PCLO: variants seen among roughly 807,000 people sequenced by gnomAD.
PCLO encodes the protein protein piccolo.
Under a neutral mutation model 427.5 loss-of-function variants are expected in PCLO, and 82 were observed. The ratio of observed to expected loss-of-function variants is 0.19; its 90% CI spans 0.16 to 0.23. The LOEUF is 0.23. PCLO is among the 10% of genes least tolerant of loss of function. The pLI is 1.00. For synonymous variants in PCLO, 2,357 were observed against 2,155.4 expected (o/e 1.09, Z -2.59); for missense variants, 6,239 against 6,115.9 (o/e 1.02, Z -0.67).
chr7:82,875,170 A>C (rs1463071491), intron 10 of PCLO, among the ~76,000 whole-genome samples: 2 of 152,144 alleles, frequency 1.3e-5, no homozygotes, highest in East Asian at 3.8e-4. Flanking sequence ...TAATCCTTCA[A>C]GTACTTGATT....
chr7:82,801,754 C>T (rs115069851), intron 21 of PCLO, among the ~76,000 whole-genome samples, 163 bp from the exon 22 acceptor site: 2,841 of 152,226 alleles, frequency 0.019, 95 homozygotes, highest in African/African-American at 0.064. Context: ...TTGAATGGCA[C>T]ATACATACAC....
chr7:83,033,998 C>A (rs1788732822), intron 3 of PCLO, among the ~76,000 whole-genome samples: 1 of 152,020 alleles, frequency 6.6e-6, no homozygotes, highest in South Asian at 2.1e-4. Context: ...TAATACTTAG[C>A]CTTATTCAAG....
chr7:83,069,813 A>ACACACACACACACACT (rs1227216962), intron 3 of PCLO, among the ~76,000 whole-genome samples: 1 of 100,452 alleles, frequency 1.0e-5, no homozygotes, highest in Non-Finnish European at 1.9e-5. Context: ...ACACACACAC[A>ACACACACACACACACT]CACACACACA....
intron 2 of PCLO, among the ~76,000 whole-genome samples, chr7:83,140,998 C>T (rs1791846509): frequency 6.6e-6 from 1 of 152,206 alleles, no homozygotes; most frequent in Admixed American, 6.5e-5. Context: ...GTCCTTATCA[C>T]TTCCTCCCCA....
At chr7:83,038,037 A>C (rs7784123) in intron 3 of PCLO, among the ~76,000 whole-genome samples, 11,852 of 33,308 alleles carry the variant, frequency 0.36, 3,133 homozygotes, top group African/African-American at 0.6. Context: ...ATATTTATAT[A>C]TTTATATATA....
At chr7:82,762,241 T>A (rs373767197) in intron 22 of PCLO, among the ~76,000 whole-genome samples, 12 of 152,064 alleles carry the variant, frequency 7.9e-5, no homozygotes, top group African/African-American at 2.9e-4. Context: ...AAGGAGCAGA[T>A]GCTTAGGGAG....
In PCLO at chr7:83,050,947, C is replaced by T. The variant is rs142208250; in HGVS notation, c.3300+83303G>A. ...AAAAAATTAATGTAATTCTTCACAT[C>T]AACAGGATAAATTAGAAAAATAATA... On this transcript the variant is annotated intron_variant, in intron 3 of 24. Transcript: ENST00000333891. 4.4e-3 allele frequency among the ~76,000 whole-genome samples: 668 copies of T among 151,936 alleles called. 1 individual carries two copies. Among genetic ancestry groups the T allele is most frequent in the African/African-American group, 0.014 (565 of 41,458 alleles).
chr7:83,096,855 A>G (rs1380968933), intron 3 of PCLO, among the ~76,000 whole-genome samples: 1 of 98,106 alleles, frequency 1.0e-5, no homozygotes, highest in Non-Finnish European at 1.8e-5. Context: ...ATAAATATAT[A>G]TAAAAATATA....
In PCLO at chr7:82,952,532, A is replaced by G; in HGVS notation, c.8421T>C (p.Thr2807=). The G allele has an allele frequency of 6.2e-7, 1 of 1,613,922 alleles. No individual in the cohort carries two copies. Among genetic ancestry groups the G allele is most frequent in the South Asian group, 1.1e-5 (1 of 91,088 alleles). Residue 2807 remains threonine (T), a synonymous_variant, in exon 5 of 25, where the codon ACT becomes ACC. Transcript: ENST00000333891. Reference sequence around the variant, plus strand: ...CACCCACTAGGCTTTCTGTGCCTGTAGTGTAACTTGCACTAGCTGTGCATG... The same window carrying G: ...CACCCACTAGGCTTTCTGTGCCTGTGGTGTAACTTGCACTAGCTGTGCATG... ...FVTCTASASY[T]TGTESLVGAE... is the part of the protein sequence containing the mutation.
At chr7:83,133,586 T>C (rs1791629202) in intron 3 of PCLO, among the ~76,000 whole-genome samples, 1 of 152,090 alleles carries the variant, frequency 6.6e-6, no homozygotes, top group African/African-American at 2.4e-5. Flanking sequence ...TAGAAATTCA[T>C]ATATCTTTCT....
chr7:82,790,651 T>G (rs1456919350), intron 22 of PCLO, among the ~76,000 whole-genome samples: 1 of 152,250 alleles, frequency 6.6e-6, no homozygotes, highest in African/African-American at 2.4e-5. Context: ...TTGTCTGTCC[T>G]ACTACACTGG....
rs575571952 is a variant in PCLO at position 82,814,646 on chromosome 7, A to G, written c.14791+7849T>C. 1.7e-3 allele frequency among the ~76,000 whole-genome samples: 264 copies of G among 152,026 alleles called. 1 individual carries two copies. Among genetic ancestry groups the G allele is most frequent in the African/African-American group, 5.9e-3 (244 of 41,544 alleles). The stretch of plus-strand genomic sequence containing the variant: ...CTGATATTTATCATATTCAAAATAA[A>G]TAAAACATTAAAACAAAAAATCAAC... On this transcript the variant is annotated intron_variant, in intron 20 of 24. Coordinates refer to ENST00000333891, the MANE Select transcript of PCLO (RefSeq NM_033026.6).
chr7:82,826,025 T>A (rs1584016820), intron 18 of PCLO, among the ~76,000 whole-genome samples: 1 of 151,086 alleles, frequency 6.6e-6, no homozygotes, highest in Admixed American at 6.6e-5. Flanking sequence ...TATTTTTAAA[T>A]TTTTACAAGT....
intron 16 of PCLO, among the ~76,000 whole-genome samples, chr7:82,830,812 A>G (rs1289094611): frequency 3.3e-5 from 5 of 152,034 alleles, no homozygotes; most frequent in Non-Finnish European, 7.4e-5. Context: ...GTATTAAAAT[A>G]CCTTTGAAGG....
At chr7:82,818,761 A>G (rs1791728921) in intron 20 of PCLO, among the ~76,000 whole-genome samples, 1 of 152,212 alleles carries the variant, frequency 6.6e-6, no homozygotes, top group Non-Finnish European at 1.5e-5. Context: ...CGCATAAAAC[A>G]GGGATAAGAA....
chr7:83,152,154 C>T (rs758489110), intron 2 of PCLO, among the ~76,000 whole-genome samples: 23 of 151,268 alleles, frequency 1.5e-4, no homozygotes, highest in South Asian at 6.3e-4. Context: ...TTAGTAGAGA[C>T]GGGGTTTCAC....
chr7:82,822,851 CTGGGAAACAATT>C (rs1791830086), intron 19 of PCLO, among the ~76,000 whole-genome samples, 162 bp from the exon 20 acceptor site: 1 of 152,010 alleles, frequency 6.6e-6, no homozygotes, highest in African/African-American at 2.4e-5. Context: ...GATTAAACAT[CTGGGAAACAATT>C]TGGGGGAGGA....
At chr7:83,028,053 G>C (rs1262938059) in intron 3 of PCLO, among the ~76,000 whole-genome samples, 2 of 148,882 alleles carry the variant, frequency 1.3e-5, no homozygotes, top group Non-Finnish European at 3.0e-5. Flanking sequence ...GCACAAGACA[G>C]GGATGCCCTC....
At chr7:83,094,258 G>C (rs1410018646) in intron 3 of PCLO, among the ~76,000 whole-genome samples, 2 of 145,684 alleles carry the variant, frequency 1.4e-5, no homozygotes, top group African/African-American at 2.6e-5. Context: ...CACCAGGCTG[G>C]AGTGCAATAG....
Sources: gnomAD v4.1 joint callset for allele counts (sites outside exome capture counted in the v4.1 genomes callset) on GRCh38, gnomAD v4.1.1 for gene constraint, MANE v1.5 for transcripts, NCBI Gene and HGNC (gene_info 2026-07-23, HGNC 2026-07-21) for gene names.